The following PLS1 variants were observed in gnomAD, a reference collection of about 807,000 sequenced individuals.
PLS1 encodes the protein plastin 1.
In PLS1, 32 loss-of-function variants were observed where a neutral mutation model predicts 73.7. The observed-to-expected ratio is 0.43, with a 90% CI of 0.33 to 0.58. The LOEUF is 0.58. Ranked by LOEUF, PLS1 falls within the 20% of genes least tolerant of loss-of-function variation. The probability of loss-of-function intolerance (pLI) is 0.04; values close to 1 mark genes in which losing one functional copy is unlikely to be tolerated. For synonymous variants in PLS1, 217 were observed against 261.3 expected, an observed-to-expected ratio of 0.83 and a Z score of 1.63; for missense variants, 633 against 740.5, an observed-to-expected ratio of 0.85 and a Z score of 1.68.
At chr3:142,621,497 T>C (rs2108561854) in intron 1 of PLS1, among the ~76,000 whole-genome samples, 1 of 152,358 alleles carries the variant, frequency 6.6e-6, no homozygotes, top group South Asian at 2.1e-4. Flanking sequence ...TGGACTATTA[T>C]GAAGCATGAA....
chr3:142,693,127 G>T, intron 10 of PLS1, among the ~76,000 whole-genome samples: 1 of 152,128 alleles, frequency 6.6e-6, no homozygotes. Context: ...ATGCAGACCA[G>T]AGGGAACAAA....
intron 6 of PLS1, 44 bp from the exon 7 acceptor site, chr3:142,683,962 T>G: frequency 6.8e-7 from 1 of 1,463,268 alleles, no homozygotes; most frequent in Non-Finnish European, 9.4e-7. Flanking sequence ...GATAAGACCT[T>G]AGAAAGGACT....
chr3:142,646,963 G>C (rs1236863800), intron 1 of PLS1, among the ~76,000 whole-genome samples: 1 of 152,214 alleles, frequency 6.6e-6, no homozygotes, highest in East Asian at 1.9e-4. Flanking sequence ...GGCTTGGAGG[G>C]AGTGAGAATA....
intron 2 of PLS1, among the ~76,000 whole-genome samples, chr3:142,664,985 G>C (rs1286130724): frequency 2.3e-5 from 3 of 130,948 alleles, no homozygotes; most frequent in African/African-American, 5.9e-5. Context: ...TTTTTTTTTT[G>C]CTTTAGTTTG....
At chr3:142,630,343 C>T (rs1296467767) in intron 1 of PLS1, among the ~76,000 whole-genome samples, 1 of 148,878 alleles carries the variant, frequency 6.7e-6, no homozygotes, top group Non-Finnish European at 1.5e-5. Context: ...ATTGCTTGAG[C>T]CCAGGAGGTG....
At chr3:142,642,928 T>A (rs2036871808) in intron 1 of PLS1, among the ~76,000 whole-genome samples, 1 of 152,084 alleles carries the variant, frequency 6.6e-6, no homozygotes, top group Non-Finnish European at 1.5e-5. Flanking sequence ...TGGGCTCAGG[T>A]GATCTGCCTA....
chr3:142,604,356 G>T (rs1165630987), intron 1 of PLS1, among the ~76,000 whole-genome samples: 1 of 152,136 alleles, frequency 6.6e-6, no homozygotes, highest in Non-Finnish European at 1.5e-5. Context: ...TCTCTTCCTG[G>T]AGAGCACTCT....
chr3:142,604,929 C>T (rs9824176), intron 1 of PLS1, among the ~76,000 whole-genome samples: 1 of 149,634 alleles, frequency 6.7e-6, no homozygotes. Flanking sequence ...GAGCAAGACT[C>T]CGTCTCAAAA....
intron 1 of PLS1, among the ~76,000 whole-genome samples, chr3:142,618,875 A>C (rs1467417796): frequency 6.6e-6 from 1 of 152,182 alleles, no homozygotes; most frequent in African/African-American, 2.4e-5. Flanking sequence ...CTTAATGAAC[A>C]TCTGCAAAAA....
At chr3:142,622,918 A>AT (rs1227321135) in intron 1 of PLS1, among the ~76,000 whole-genome samples, 2 of 152,056 alleles carry the variant, frequency 1.3e-5, no homozygotes, top group African/African-American at 4.8e-5. Context: ...ATTCTTCATG[A>AT]TTTTTTACAT....
At chr3:142,633,386 A>G (rs915040241) in intron 1 of PLS1, among the ~76,000 whole-genome samples, 2 of 152,210 alleles carry the variant, frequency 1.3e-5, no homozygotes, top group African/African-American at 4.8e-5. Flanking sequence ...CACACCTGTA[A>G]TCTAGTTTCA....
intron 1 of PLS1, among the ~76,000 whole-genome samples, chr3:142,628,432 T>C (rs1485342306): frequency 6.6e-6 from 1 of 151,930 alleles, no homozygotes; most frequent in Non-Finnish European, 1.5e-5. Context: ...TATAAATTTA[T>C]GTAGTGTAAT....
At position 142,711,929 on chromosome 3, in the gene PLS1, C is replaced by A; in HGVS notation, c.1812C>A (p.Asp604Glu). 1 of 1,613,036 alleles carries A rather than the reference C, an allele frequency of 6.2e-7. No individual in the cohort carries two copies. Among genetic ancestry groups the A allele is most frequent in the Non-Finnish European group, 8.5e-7 (1 of 1,179,058 alleles). ...CCCGGATATATGCATTACCTGATGA[C>A]CTCGTAGAAGTGAAACCAAAGATGG... ...IGARIYALPDDLVEVKPKMVM... is the reference protein window; with the variant it reads ...IGARIYALPDELVEVKPKMVM... Residue 604 changes from aspartate (D) to glutamate (E), a missense_variant, in exon 16 of 16, where the codon GAC (aspartate) becomes GAA (glutamate). Physicochemically the swap from Asp to Glu is conservative, Grantham distance 45. Coordinates refer to ENST00000457734, the MANE Select transcript of PLS1 (RefSeq NM_001145319.2).
intron 2 of PLS1, among the ~76,000 whole-genome samples, chr3:142,665,205 C>T (rs571208962): frequency 8.1e-5 from 12 of 148,580 alleles, no homozygotes; most frequent in African/African-American, 1.7e-4. Flanking sequence ...AACCTAATAA[C>T]GACTAAAATT....
At chr3:142,636,222 T>A (rs769478581) in intron 1 of PLS1, among the ~76,000 whole-genome samples, 1 of 152,140 alleles carries the variant, frequency 6.6e-6, no homozygotes, top group Non-Finnish European at 1.5e-5. Flanking sequence ...TTACAGTAAT[T>A]AACAGTGTTG....
intron 1 of PLS1, among the ~76,000 whole-genome samples, chr3:142,599,324 T>A (rs2035872000): frequency 2.7e-4 from 6 of 22,292 alleles, no homozygotes; most frequent in African/African-American, 1.7e-3. Flanking sequence ...TCAGATATTC[T>A]TTTTTTTTTT....
chr3:142,685,668 A>AGGAAGCAG (rs1394669498), intron 8 of PLS1, among the ~76,000 whole-genome samples: 1 of 152,208 alleles, frequency 6.6e-6, no homozygotes, highest in Non-Finnish European at 1.5e-5. Flanking sequence ...TTTAAGAGAG[A>AGGAAGCAG]GGAAGCAGAA....
chr3:142,674,308 G>T (rs1314824472), intron 4 of PLS1, among the ~76,000 whole-genome samples: 1 of 152,164 alleles, frequency 6.6e-6, no homozygotes, highest in Non-Finnish European at 1.5e-5. Flanking sequence ...GGCAGATTAT[G>T]ATATGTACAA....
At chr3:142,612,483 C>T (rs766214868) in intron 1 of PLS1, among the ~76,000 whole-genome samples, 8 of 152,172 alleles carry the variant, frequency 5.3e-5, no homozygotes, top group Non-Finnish European at 8.8e-5. Flanking sequence ...TGGCTCATTC[C>T]ACTGTAGATA....
Sources: gnomAD v4.1 joint callset for allele counts (sites outside exome capture counted in the v4.1 genomes callset) on GRCh38, gnomAD v4.1.1 for gene constraint, MANE v1.5 for transcripts, NCBI Gene and HGNC (gene_info 2026-07-23, HGNC 2026-07-21) for gene names.